The following PROM1 variants were observed in gnomAD, a reference collection of about 807,000 sequenced individuals.
PROM1 encodes prominin 1, also known as prominin-1.
Under a neutral mutation model 116.9 loss-of-function variants are expected in PROM1, and 105 were observed. The ratio of observed to expected loss-of-function variants is 0.90; its 90% CI spans 0.77 to 1.06. The LOEUF is 1.06. PROM1 is among the 50% of genes least tolerant of loss of function. The pLI is 0.00. For missense variants in PROM1, 1,122 were observed against 1,045.2 expected (o/e 1.07, Z -1.01); for synonymous variants, 393 against 387.0 (o/e 1.02, Z -0.18).
At position 16,075,872 on chromosome 4, in the gene PROM1, C is replaced by G; in HGVS notation, c.35G>C (p.Gly12Ala). The change falls in exon 2 of 28, where the codon GGG becomes GCG. Residue 12 changes from glycine to alanine, a missense_variant. Coordinates refer to ENST00000447510, the MANE Select transcript of PROM1 (RefSeq NM_006017.3). ...ALVLGSLLLL[G>A]LCGNSFSGGQ... ...TCCTGAAAAGGAGTTCCCGCACAGC[C>G]CCAGCAGCAACAGGGAGCCGAGTAC... 1 of 1,613,344 alleles carries G rather than the reference C, an allele frequency of 6.2e-7. No individual in the cohort carries two copies. The highest frequency in any genetic ancestry group is 8.5e-7 in the Non-Finnish European group (1 of 1,179,612).
At position 16,018,026 on chromosome 4, in the gene PROM1, T is replaced by A. The variant is rs1436425740; in HGVS notation, c.1002+297A>T. 2.0e-5 allele frequency among the ~76,000 whole-genome samples: 3 copies of A among 152,352 alleles called. No homozygotes were observed. In the East Asian group the frequency reaches 5.8e-4, roughly 29 times the overall value. On this transcript the variant is annotated intron_variant, in intron 9 of 27. Coordinates refer to ENST00000447510, the MANE Select transcript of PROM1 (RefSeq NM_006017.3). ...GGCACATATTTAAAAATTTTTTAATTCTTAAAGGTCTACATGAATATATTC... is the reference window on the plus strand; with the variant it reads ...GGCACATATTTAAAAATTTTTTAATACTTAAAGGTCTACATGAATATATTC...
chr4:16,047,406 T>C (rs1223585971), intron 2 of PROM1, among the ~76,000 whole-genome samples: 1 of 152,060 alleles, frequency 6.6e-6, no homozygotes, highest in African/African-American at 2.4e-5. Context: ...GATTTCACCA[T>C]GTTAGCCAGG....
intron 2 of PROM1, among the ~76,000 whole-genome samples, chr4:16,044,524 A>T (rs1178179220): frequency 2.6e-5 from 4 of 152,250 alleles, no homozygotes; most frequent in Non-Finnish European, 5.9e-5. Context: ...TGGTGGCCCC[A>T]TCTTAAACAC....
chr4:16,044,854 C>A lies in PROM1; in HGVS notation c.221-5853G>T, dbSNP rs112123763. Among the ~76,000 whole-genome samples, 560 of 152,238 alleles carry A rather than the reference C, an allele frequency of 3.7e-3. 4 individuals carry two copies. The highest frequency in any genetic ancestry group is 0.012 in the African/African-American group (505 of 41,534). On this transcript the variant is annotated intron_variant, in intron 2 of 27. Coordinates refer to ENST00000447510, the MANE Select transcript of PROM1 (RefSeq NM_006017.3). Reference sequence around the variant, plus strand: ...GAGGGGACAGGGGGAAGTAGGCAAACCAAGTAGAACTGACAAGCCCAGAAA... The same window carrying A: ...GAGGGGACAGGGGGAAGTAGGCAAAACAAGTAGAACTGACAAGCCCAGAAA...
rs536999734 is a variant in PROM1 at position 16,014,293 on chromosome 4, G to A, written c.1078-955C>T. ...CCATGACTTCCGTTTCCTCCAAGGAGACTAAGCTACTCAGCACACCGGTGC... is the reference window on the plus strand; with the variant it reads ...CCATGACTTCCGTTTCCTCCAAGGAAACTAAGCTACTCAGCACACCGGTGC... On this transcript the variant is annotated intron_variant, in intron 10 of 27. Transcript: ENST00000447510. Among the ~76,000 whole-genome samples, 7 of 152,324 alleles carry A rather than the reference G, an allele frequency of 4.6e-5. No individual in the cohort carries two copies. In the East Asian group the frequency reaches 1.4e-3, roughly 29 times the overall value.
chr4:16,041,789 T>TAA (rs1560554283), intron 2 of PROM1, among the ~76,000 whole-genome samples: 44 of 83,254 alleles, frequency 5.3e-4, no homozygotes, highest in East Asian at 1.2e-3. Flanking sequence ...TAAATAAATA[T>TAA]ATATATATAT....
rs73126406 is a variant in PROM1 at position 16,071,068 on chromosome 4, A to G, written c.220+4619T>C. ...AGGATTTAAACCAAGTTCCTGGGACATGGAATGGACACTGCATCCATTTCC... is the reference window on the plus strand; with the variant it reads ...AGGATTTAAACCAAGTTCCTGGGACGTGGAATGGACACTGCATCCATTTCC... On this transcript the variant is annotated intron_variant, in intron 2 of 27. Coordinates refer to ENST00000447510, the MANE Select transcript of PROM1 (RefSeq NM_006017.3). Among the ~76,000 whole-genome samples, 689 of 152,324 alleles carry G rather than the reference A, an allele frequency of 4.5e-3. 4 individuals are homozygous for G. The highest frequency in any genetic ancestry group is 0.01 in the African/African-American group (432 of 41,568).
At chr4:15,970,916 T>A in intron 27 of PROM1, 127 bp downstream of exon 27, 1 of 690,932 alleles carries the variant, frequency 1.4e-6, no homozygotes. Context: ...TAAAATATCT[T>A]GTCTAATATG....
intron 2 of PROM1, among the ~76,000 whole-genome samples, chr4:16,065,089 T>C (rs773480384): frequency 6.6e-6 from 1 of 152,178 alleles, no homozygotes; most frequent in African/African-American, 2.4e-5. Flanking sequence ...GGCCAATCCA[T>C]GCTCCCCATG....
At chr4:15,985,626 C>A in intron 22 of PROM1, 134 bp downstream of exon 22, 1 of 731,048 alleles carries the variant, frequency 1.4e-6, no homozygotes, top group Non-Finnish European at 2.3e-6. Flanking sequence ...CTTGGTCCTG[C>A]ACATCAATGT....
In PROM1 at chr4:15,992,266, A is replaced by G. The variant is rs778802976; in HGVS notation, c.1893T>C (p.Tyr631=). The part of the protein sequence containing the change: ...FAACGIDRMN[Y]DSYLAQTGKS... ...GCCATACCTGAGCCAAGTAGCTGTC[A>G]TAATTCATTCTGTCTATTCCACAAG... The change falls in exon 17 of 28, where the codon TAT becomes TAC. Residue 631 remains tyrosine, a synonymous_variant. Transcript: ENST00000447510. 6.2e-7 allele frequency: 1 copy of G among 1,613,962 alleles called. No homozygotes were observed.
intron 12 of PROM1, 91 bp from the exon 13 acceptor site, chr4:16,006,781 T>C: frequency 7.8e-7 from 1 of 1,285,756 alleles, no homozygotes. Flanking sequence ...GCCGATGAGT[T>C]ATTCTTGGCT....
chr4:16,031,610 A>G (rs1236594464), intron 5 of PROM1, among the ~76,000 whole-genome samples: 1 of 152,194 alleles, frequency 6.6e-6, no homozygotes, highest in Non-Finnish European at 1.5e-5. Flanking sequence ...AGAGACAGAC[A>G]GTGACAGAAA....
intron 11 of PROM1, among the ~76,000 whole-genome samples, chr4:16,012,794 C>T (rs890921650): frequency 7.4e-5 from 11 of 149,088 alleles, no homozygotes; most frequent in African/African-American, 2.5e-4. Context: ...TGGCGTGAAC[C>T]CGGGAGGCGG....
Position 15,984,378 on chromosome 4 carries a change from A to C in PROM1, c.2281-23T>G, listed in dbSNP as rs115060954. ...GATCTAGGGGGGTGGAAACACAGGG[A>C]AACTTTGAGCTGCATCCACAAAAAC... On this transcript the variant is annotated intron_variant, in intron 22 of 27. Coordinates refer to ENST00000447510, the MANE Select transcript of PROM1 (RefSeq NM_006017.3). 3.2e-3 allele frequency: 4,820 copies of C among 1,504,924 alleles called. 131 individuals are homozygous for C. The African/African-American group carries it at 0.058, about 18-fold the overall frequency. 93.2% of individuals were successfully genotyped at this position (1,504,924 alleles called of 1,614,324 possible). A position where few individuals can be genotyped will look rare whatever the true frequency, so the allele number is the denominator to read the frequency against.
At chr4:16,027,920 T>C (rs1731730219) in intron 5 of PROM1, among the ~76,000 whole-genome samples, 1 of 152,214 alleles carries the variant, frequency 6.6e-6, no homozygotes, top group African/African-American at 2.4e-5. Flanking sequence ...TTGCAATACA[T>C]TTCACTACAA....
chr4:16,083,362 G>A (rs1460410942), intron 1 of PROM1: 1 of 144,034 alleles, frequency 6.9e-6, no homozygotes, highest in Admixed American at 6.9e-5. Context: ...CATCCCCAGT[G>A]GATGGAAAGA....
rs775023806 is a variant in PROM1 at position 15,994,049 on chromosome 4, T to C, written c.1705A>G (p.Thr569Ala). The C allele has an allele frequency of 1.9e-6, 3 of 1,613,990 alleles. No individual in the cohort carries two copies. Among genetic ancestry groups the C allele is most frequent in the South Asian group, 1.1e-5 (1 of 91,080 alleles). The change falls in exon 16 of 28, where the codon ACT becomes GCT. Residue 569 changes from threonine to alanine, a missense_variant. By Grantham distance (58) the Thr-to-Ala change is moderately conservative. Coordinates refer to ENST00000447510, the MANE Select transcript of PROM1 (RefSeq NM_006017.3). ...TTCTGCAGGTGAAGAGTGCCGTAAG[T>C]GCCTCTATTTTTTTTGCAGTCACTG... ...VYSDCKKNRG[T>A]YGTLHLQNSF... is the part of the protein sequence containing the mutation.
rs182717383 is a variant in PROM1 at position 15,998,680 on chromosome 4, G to A, written c.1579-192C>T. 6.5e-3 allele frequency among the ~76,000 whole-genome samples: 995 copies of A among 151,944 alleles called. 4 individuals carry two copies. Among genetic ancestry groups the A allele is most frequent in the Non-Finnish European group, 0.01 (709 of 67,956 alleles). On this transcript the variant is annotated intron_variant, in intron 14 of 27. Transcript: ENST00000447510. The stretch of plus-strand genomic sequence containing the variant: ...AATCAATTTATTATATTTATTGATG[G>A]GTAGCATCAATCAAAATTATTAAAA...
Sources: gnomAD v4.1 joint callset for allele counts (sites outside exome capture counted in the v4.1 genomes callset) on GRCh38, gnomAD v4.1.1 for gene constraint, MANE v1.5 for transcripts, NCBI Gene and HGNC (gene_info 2026-07-23, HGNC 2026-07-21) for gene names.